The following CNTNAP5 variants were observed in gnomAD, a reference collection of about 807,000 sequenced individuals.
CNTNAP5 encodes contactin-associated protein-like 5.
CNTNAP5 carries 72 observed loss-of-function variants against 150.2 expected under a neutral mutation model. That is an observed-to-expected ratio of 0.48 (90% CI 0.40 to 0.58). CNTNAP5 has a LOEUF of 0.58. CNTNAP5 is among the 20% of genes least tolerant of loss of function. The pLI, the probability that CNTNAP5 is intolerant of heterozygous loss-of-function variation, is 0.00. For synonymous variants in CNTNAP5, 672 were observed against 619.8 expected (o/e 1.08, Z -1.25); for missense variants, 1,636 against 1,626.2 (o/e 1.01, Z -0.10).
At chr2:124,649,278 A>G (rs1437441527) in intron 13 of CNTNAP5, among the ~76,000 whole-genome samples, 1 of 151,976 alleles carries the variant, frequency 6.6e-6, no homozygotes, top group Non-Finnish European at 1.5e-5. Flanking sequence ...GTGTCCCTTT[A>G]CCCAGCATCC....
chr2:124,526,173 A>G (rs1425608110), intron 9 of CNTNAP5, among the ~76,000 whole-genome samples: 2 of 152,180 alleles, frequency 1.3e-5, no homozygotes, highest in Non-Finnish European at 2.9e-5. Context: ...CTTAGAGGCA[A>G]GTTTTAAGGG....
At chr2:124,430,156 G>A (rs975397677) in intron 4 of CNTNAP5, among the ~76,000 whole-genome samples, 3 of 152,100 alleles carry the variant, frequency 2.0e-5, no homozygotes, top group Non-Finnish European at 4.4e-5. Flanking sequence ...AAAGGGCCAG[G>A]TGGGAACCGA....
chr2:124,417,871 C>G (rs1041124553), intron 4 of CNTNAP5, among the ~76,000 whole-genome samples: 1 of 152,132 alleles, frequency 6.6e-6, no homozygotes, highest in African/African-American at 2.4e-5. Flanking sequence ...TGCAGTTAAA[C>G]AAAATTGAGT....
intron 8 of CNTNAP5, among the ~76,000 whole-genome samples, chr2:124,510,742 G>A (rs574035132): frequency 3.3e-5 from 5 of 151,646 alleles, no homozygotes; most frequent in African/African-American, 7.3e-5. Context: ...AATTTTCCCC[G>A]TGCCCCATGA....
At chr2:124,390,979 G>A (rs1037578619) in intron 3 of CNTNAP5, among the ~76,000 whole-genome samples, 1 of 152,180 alleles carries the variant, frequency 6.6e-6, no homozygotes, top group Non-Finnish European at 1.5e-5. Flanking sequence ...AGAACTGCTG[G>A]TTCCAGTATT....
At chr2:124,558,137 A>G (rs575597251) in intron 10 of CNTNAP5, among the ~76,000 whole-genome samples, 2 of 152,174 alleles carry the variant, frequency 1.3e-5, no homozygotes, top group Non-Finnish European at 2.9e-5. Context: ...GGGGTCAAGG[A>G]TGGAAGCTGG....
intron 3 of CNTNAP5, among the ~76,000 whole-genome samples, chr2:124,268,564 A>G (rs1296925371): frequency 6.6e-6 from 1 of 152,204 alleles, no homozygotes; most frequent in East Asian, 1.9e-4. Context: ...ATGCTACCAA[A>G]CTTAAATAAT....
At chr2:124,669,307 C>A (rs545969074) in intron 13 of CNTNAP5, among the ~76,000 whole-genome samples, 1 of 152,208 alleles carries the variant, frequency 6.6e-6, no homozygotes, top group Admixed American at 6.5e-5. Flanking sequence ...AATCCCATGG[C>A]AATACTAGGA....
intron 1 of CNTNAP5, among the ~76,000 whole-genome samples, chr2:124,155,993 A>ACC (rs1422059449): frequency 6.6e-6 from 1 of 152,186 alleles, no homozygotes; most frequent in Admixed American, 6.5e-5. Flanking sequence ...AGCCACCCTC[A>ACC]CCTCGTATAA....
chr2:124,715,808 G>T (rs926630596), intron 13 of CNTNAP5, among the ~76,000 whole-genome samples: 5 of 152,124 alleles, frequency 3.3e-5, no homozygotes, highest in Admixed American at 3.3e-4. Flanking sequence ...GGATATGGGG[G>T]AACAGCTACT....
intron 1 of CNTNAP5, among the ~76,000 whole-genome samples, chr2:124,115,619 G>A (rs1314723136): frequency 3.3e-5 from 5 of 149,458 alleles, no homozygotes; most frequent in African/African-American, 1.2e-4. Context: ...ACCAAGAAAT[G>A]ATTGAATTAT....
intron 1 of CNTNAP5, among the ~76,000 whole-genome samples, chr2:124,132,270 C>T (rs759577684): frequency 6.6e-6 from 1 of 152,144 alleles, no homozygotes; most frequent in African/African-American, 2.4e-5. Context: ...TCATAGCGCT[C>T]ACTGGTGAAT....
At chr2:124,367,988 C>A (rs188893176) in intron 3 of CNTNAP5, among the ~76,000 whole-genome samples, 1 of 152,278 alleles carries the variant, frequency 6.6e-6, no homozygotes, top group Non-Finnish European at 1.5e-5. Flanking sequence ...GAGTGTCACG[C>A]TGGACATCGC....
At chr2:124,266,820 C>G (rs957966797) in intron 3 of CNTNAP5, among the ~76,000 whole-genome samples, 1 of 152,186 alleles carries the variant, frequency 6.6e-6, no homozygotes, top group Non-Finnish European at 1.5e-5. Flanking sequence ...ACAAGCGACA[C>G]TTTGTCTTTT....
chr2:124,320,276 T>C (rs1029297408), intron 3 of CNTNAP5, among the ~76,000 whole-genome samples: 6 of 152,206 alleles, frequency 3.9e-5, no homozygotes, highest in Non-Finnish European at 8.8e-5. Flanking sequence ...GCTGTCACAA[T>C]AGAAATTTTC....
rs115636143 is a variant in CNTNAP5 at position 124,772,743 on chromosome 2, G to T, written c.2534-56G>T. On this transcript the variant is annotated intron_variant, in intron 16 of 23. Transcript: ENST00000682447. ...AATCGTTTCTCCCACTCAAGCCTGTGCCTTGAATGAGCTAACAACTCCCTC... is the reference window on the plus strand; with the variant it reads ...AATCGTTTCTCCCACTCAAGCCTGTTCCTTGAATGAGCTAACAACTCCCTC... The T allele has an allele frequency of 1.6e-3, 2,208 of 1,363,488 alleles. 21 individuals are homozygous for T. In the African/African-American group the frequency reaches 0.021, roughly 13 times the overall value. 84.5% of individuals were successfully genotyped at this position (1,363,488 alleles called of 1,614,324 possible).
chr2:124,455,364 G>A (rs1258104951), intron 6 of CNTNAP5, among the ~76,000 whole-genome samples: 1 of 152,024 alleles, frequency 6.6e-6, no homozygotes, highest in African/African-American at 2.4e-5. Flanking sequence ...AATTAGATAT[G>A]CTGAACAGAC....
intron 1 of CNTNAP5, among the ~76,000 whole-genome samples, chr2:124,177,673 G>T (rs1259192861): frequency 1.3e-5 from 2 of 152,106 alleles, no homozygotes; most frequent in Non-Finnish European, 2.9e-5. Flanking sequence ...TTCTGTGTGT[G>T]CGCACGCACA....
intron 19 of CNTNAP5, among the ~76,000 whole-genome samples, chr2:124,849,080 A>T (rs1683105075): frequency 6.6e-6 from 1 of 152,082 alleles, no homozygotes; most frequent in African/African-American, 2.4e-5. Context: ...AATATTAAGG[A>T]GTTTTTCCTC....
Sources: allele counts gnomAD v4.1 joint callset (sites outside exome capture counted in the v4.1 genomes callset), GRCh38; gene constraint gnomAD v4.1.1; transcripts MANE v1.5; gene names NCBI Gene and HGNC (gene_info 2026-07-23, HGNC 2026-07-21).